ZNF23: variants seen among roughly 807,000 people sequenced by gnomAD.
ZNF23 encodes zinc finger protein 23.
Under a neutral mutation model 56.2 loss-of-function variants are expected in ZNF23, and 48 were observed. That is an observed-to-expected ratio of 0.85 (90% CI 0.68 to 1.09). The LOEUF (loss-of-function observed/expected upper bound fraction) is 1.09. Ranked by LOEUF, ZNF23 falls within the 50% of genes least tolerant of loss-of-function variation. The pLI is 0.00. For missense variants in ZNF23, 805 were observed against 811.4 expected (o/e 0.99, Z 0.10); for synonymous variants, 266 against 283.3 (o/e 0.94, Z 0.61).
At chr16:71,456,677 G>GTCA (rs781051149) in intron 2 of ZNF23, 87 bp downstream of exon 2, 9 of 985,788 alleles carry the variant, frequency 9.1e-6, no homozygotes, top group Non-Finnish European at 1.1e-5. Context: ...GGAAGCAGCT[G>GTCA]TCATCCCGAG....
chr16:71,448,470 G>A lies in ZNF23; in HGVS notation c.1684C>T (p.Leu562=), dbSNP rs1487863755. ...CGKAFSINAK[L]TRHQRIHTGE... is the part of the protein sequence containing the mutation. ...GTATGTATCCTCTGATGCCTAGTTA[G>A]TTTGGCATTGATACTGAAGGCTTTC... The change falls in exon 5 of 5, where the codon CTA becomes TTA. Residue 562 remains leucine, a synonymous_variant. Transcript: ENST00000647773. 6.2e-7 allele frequency: 1 copy of A among 1,614,240 alleles called. No homozygotes were observed.
chr16:71,450,352 A>AT (rs2043012504), intron 4 of ZNF23: 1 of 138,898 alleles, frequency 7.2e-6, no homozygotes, highest in Admixed American at 6.8e-5. Context: ...GAAAGTAATG[A>AT]TAAAAAAAAA....
At position 71,448,928 on chromosome 16, in the gene ZNF23, C is replaced by T; in HGVS notation, c.1226G>A (p.Cys409Tyr). The change falls in exon 5 of 5, where the codon TGT becomes TAT. Residue 409 changes from cysteine (C) to tyrosine (Y), a missense_variant. By Grantham distance (194) the Cys-to-Tyr change is radical. Transcript: ENST00000647773. ...ATTGAAGCCTTTTCCACACTCTTTA[C>T]ACTGATAGGGCTTTTCTCCTGTGTG... is the stretch of plus-strand genomic sequence containing the variant. ...SIHTGEKPYQ[C>Y]KECGKGFNNN... The T allele has an allele frequency of 6.2e-7, 1 of 1,614,248 alleles. No individual in the cohort carries two copies. The highest frequency in any genetic ancestry group is 8.5e-7 in the Non-Finnish European group (1 of 1,180,042).
At position 71,453,237 on chromosome 16, in the gene ZNF23, C is replaced by T. The variant is rs2043113677; in HGVS notation, c.268+6G>A. ...CAACAGAGTGGGAAATATGTACCTC[C>T]CTTACCAGTCTGGAGGCCCTGGAGG... On this transcript the variant is annotated splice_donor_region_variant and intron_variant, in intron 4 of 4. Coordinates refer to ENST00000647773, the MANE Select transcript of ZNF23 (RefSeq NM_001381984.1). 1 of 1,599,826 alleles carries T rather than the reference C, an allele frequency of 6.3e-7. No individual in the cohort carries two copies. Among genetic ancestry groups the T allele is most frequent in the Non-Finnish European group, 8.5e-7 (1 of 1,171,706 alleles).
Position 71,449,624 on chromosome 16 carries a change from A to G in ZNF23, c.530T>C (p.Ile177Thr). The G allele has an allele frequency of 2.5e-6, 4 of 1,613,972 alleles. No homozygotes were observed. The South Asian group carries it at 3.3e-5, about 13-fold the overall frequency. ...QSSNSYQCHT[I>T]TGEQPSGCTG... Reference sequence around the variant, plus strand: ...ACACCCAGAGGGCTGCTCTCCAGTGATGGTATGACACTGATATGAGTTTGA... The same window carrying G: ...ACACCCAGAGGGCTGCTCTCCAGTGGTGGTATGACACTGATATGAGTTTGA... The change falls in exon 5 of 5, where the codon ATC becomes ACC. Residue 177 changes from isoleucine to threonine, a missense_variant. Physicochemically the swap from Ile to Thr is moderately conservative, Grantham distance 89. Coordinates refer to ENST00000647773, the MANE Select transcript of ZNF23 (RefSeq NM_001381984.1).
In ZNF23 at chr16:71,454,120, A is replaced by C; in HGVS notation, c.82T>G (p.Trp28Gly). The stretch of plus-strand genomic sequence containing the variant: ...CTCTGTGCAGGGGACAGGCCATCCC[A>C]TTCCGCCTGGGTGAAGTACACAGCC... ...DVAVYFTQAE[W>G]DGLSPAQRTL... The change falls in exon 3 of 5, where the codon TGG (tryptophan) becomes GGG (glycine). Residue 28 changes from tryptophan (W) to glycine (G), a missense_variant. Transcript: ENST00000647773. The C allele has an allele frequency of 6.2e-7, 1 of 1,614,098 alleles. No homozygotes were observed. Among genetic ancestry groups the C allele is most frequent in the South Asian group, 1.1e-5 (1 of 91,078 alleles).
intron 1 of ZNF23, among the ~76,000 whole-genome samples, chr16:71,459,421 C>T (rs2043360527): frequency 6.6e-6 from 1 of 152,264 alleles, no homozygotes; most frequent in Non-Finnish European, 1.5e-5. Context: ...CTGTTTCACT[C>T]CCCTTGTCTT....
Position 71,448,197 on chromosome 16 carries a change from G to C in ZNF23, c.1957C>G (p.His653Asp), listed in dbSNP as rs201142738. 6.2e-7 allele frequency: 1 copy of C among 1,614,198 alleles called. No individual in the cohort carries two copies. The highest frequency in any genetic ancestry group is 8.5e-7 in the Non-Finnish European group (1 of 1,180,040). Residue 653 changes from histidine to aspartate, a missense_variant, in exon 5 of 5, where the codon CAC (histidine) becomes GAC (aspartate). Coordinates refer to ENST00000647773, the MANE Select transcript of ZNF23 (RefSeq NM_001381984.1). Reference sequence around the variant, plus strand: ...CACATATAGGGTTTCTTCCAAGTGTGGACTGTCTGATGTATAATGTAGTCA... The same window carrying C: ...CACATATAGGGTTTCTTCCAAGTGTCGACTGTCTGATGTATAATGTAGTCA... ...SSDYIIHQTV[H>D]TWKKPYMCSV... is the part of the protein sequence containing the mutation.
intron 1 of ZNF23, among the ~76,000 whole-genome samples, chr16:71,460,098 T>C (rs941155190): frequency 1.3e-5 from 2 of 152,172 alleles, no homozygotes; most frequent in Non-Finnish European, 2.9e-5. Flanking sequence ...CTAGAAAGTA[T>C]ATGAGAACCT....
intron 1 of ZNF23, 69 bp downstream of exon 1, chr16:71,462,141 T>G (rs1004517127): frequency 1.3e-5 from 2 of 152,086 alleles, no homozygotes; most frequent in African/African-American, 2.4e-5. Flanking sequence ...AGGGTGGGAG[T>G]GCGTCTCAAC....
chr16:71,458,044 C>T (rs2043304077), intron 1 of ZNF23, among the ~76,000 whole-genome samples: 1 of 152,102 alleles, frequency 6.6e-6, no homozygotes, highest in South Asian at 2.1e-4. Context: ...CTGGAGAGGT[C>T]TTGAGAGGTC....
chr16:71,461,907 G>A (rs1401253565), intron 1 of ZNF23: 1 of 152,284 alleles, frequency 6.6e-6, no homozygotes, highest in Non-Finnish European at 1.5e-5. Flanking sequence ...CCATCTTTTA[G>A]CTGCACCGAC....
At chr16:71,452,162 A>G (rs1476378862) in intron 4 of ZNF23, 1 of 152,234 alleles carries the variant, frequency 6.6e-6, no homozygotes, top group Non-Finnish European at 1.5e-5. Flanking sequence ...AGAATAAAAT[A>G]CAGGGTCCTT....
chr16:71,450,838 A>G (rs538238660), intron 4 of ZNF23: 18 of 265,890 alleles, frequency 6.8e-5, no homozygotes, highest in South Asian at 4.6e-4. Flanking sequence ...TTGTTCCTAT[A>G]GCACTCAGTT....
chr16:71,453,258 G>A lies in ZNF23; in HGVS notation c.253C>T (p.Gln85Ter). The A allele has an allele frequency of 1.2e-6, 2 of 1,607,566 alleles. No individual in the cohort carries two copies. Among genetic ancestry groups the A allele is most frequent in the Non-Finnish European group, 1.7e-6 (2 of 1,176,588 alleles). The stretch of plus-strand genomic sequence containing the variant: ...CCTCCCTTACCAGTCTGGAGGCCCT[G>A]GAGGCCTGTTCCTGCAGCCAGTGGA... ...SSPLAAGTGL[Q>*]GLQTVDIQTD... The change falls in exon 4 of 5, where the codon CAG becomes TAG. Residue 85 changes from glutamine (Q) to a stop codon, truncating the protein, a stop_gained. Transcript: ENST00000647773. LOFTEE classifies it high-confidence loss of function.
Position 71,449,107 on chromosome 16 carries a change from T to C in ZNF23, c.1047A>G (p.Lys349=). 2 of 1,614,194 alleles carry C rather than the reference T, an allele frequency of 1.2e-6. No homozygotes were observed. The highest frequency in any genetic ancestry group is 1.7e-6 in the Non-Finnish European group (2 of 1,180,018). The change falls in exon 5 of 5, where the codon AAA becomes AAG. Residue 349 remains lysine, a synonymous_variant. Coordinates refer to ENST00000647773, the MANE Select transcript of ZNF23 (RefSeq NM_001381984.1). ...ITHQRVHTGE[K]PYECNDCGKA... is the part of the protein sequence containing the mutation. Reference sequence around the variant, plus strand: ...TCCCACAGTCATTACACTCGTAAGGTTTCTCTCCAGTGTGGACTCTCTGAT... The same window carrying C: ...TCCCACAGTCATTACACTCGTAAGGCTTCTCTCCAGTGTGGACTCTCTGAT...
chr16:71,454,150 C>T lies in ZNF23; in HGVS notation c.52G>A (p.Asp18Asn). 6.2e-7 allele frequency: 1 copy of T among 1,613,608 alleles called. No individual in the cohort carries two copies. The highest frequency in any genetic ancestry group is 8.5e-7 in the Non-Finnish European group (1 of 1,179,848). Reference protein sequence around the residue: ...AWPQKSVTFEDVAVYFTQAEW... With the variant: ...AWPQKSVTFENVAVYFTQAEW... ...GCCTGGGTGAAGTACACAGCCACGT[C>T]CTCAAAGGTCACCGACTTCTGAAAC... Residue 18 changes from aspartate to asparagine, a missense_variant, in exon 3 of 5, where the codon GAC becomes AAC. Transcript: ENST00000647773.
intron 2 of ZNF23, among the ~76,000 whole-genome samples, chr16:71,456,299 C>T (rs761127111): frequency 2.0e-5 from 3 of 152,156 alleles, no homozygotes; most frequent in Non-Finnish European, 4.4e-5. Flanking sequence ...TGTCTTCCCC[C>T]TCCCTTGACT....
At position 71,454,135 on chromosome 16, in the gene ZNF23, A is replaced by G; in HGVS notation, c.67T>C (p.Phe23Leu). The change falls in exon 3 of 5, where the codon TTC (phenylalanine) becomes CTC (leucine). Residue 23 changes from phenylalanine to leucine, a missense_variant. Transcript: ENST00000647773. ...AGGCCATCCCATTCCGCCTGGGTGAAGTACACAGCCACGTCCTCAAAGGTC... is the reference window on the plus strand; with the variant it reads ...AGGCCATCCCATTCCGCCTGGGTGAGGTACACAGCCACGTCCTCAAAGGTC... Reference protein sequence around the residue: ...SVTFEDVAVYFTQAEWDGLSP... With the variant: ...SVTFEDVAVYLTQAEWDGLSP... The G allele has an allele frequency of 6.2e-7, 1 of 1,613,996 alleles. No individual in the cohort carries two copies. Among genetic ancestry groups the G allele is most frequent in the South Asian group, 1.1e-5 (1 of 91,076 alleles).
Sources: gnomAD v4.1 joint callset for allele counts (sites outside exome capture counted in the v4.1 genomes callset) on GRCh38, gnomAD v4.1.1 for gene constraint, MANE v1.5 for transcripts, NCBI Gene and HGNC (gene_info 2026-07-23, HGNC 2026-07-21) for gene names.